The following FHIT variants were observed in gnomAD, a reference collection of about 807,000 sequenced individuals.
FHIT encodes the protein fragile histidine triad diadenosine triphosphatase, also known as bis(5'-adenosyl)-triphosphatase.
Under a neutral mutation model 17.9 loss-of-function variants are expected in FHIT, and 19 were observed. That is an observed-to-expected ratio of 1.06 (90% CI 0.74 to 1.56). The LOEUF is 1.56. FHIT is among the 40% of genes most tolerant of loss of function. The pLI is 0.00. For missense variants in FHIT, 248 were observed against 189.2 expected (o/e 1.31, Z -1.82); for synonymous variants, 81 against 69.7 (o/e 1.16, Z -0.81).
chr3:61,100,929 GT>G (rs1204941782), intron 2 of FHIT, among the ~76,000 whole-genome samples: 2 of 152,088 alleles, frequency 1.3e-5, no homozygotes, highest in Non-Finnish European at 2.9e-5. Context: ...CTGTAAATTT[GT>G]TTGAGTTCTT....
At chr3:60,620,031 C>A (rs1553677806) in intron 4 of FHIT, among the ~76,000 whole-genome samples, 3 of 152,044 alleles carry the variant, frequency 2.0e-5, no homozygotes, top group African/African-American at 7.2e-5. Context: ...AAAATACATA[C>A]AGATGGAATA....
intron 5 of FHIT, among the ~76,000 whole-genome samples, chr3:60,530,714 T>C (rs1400620339): frequency 6.6e-6 from 1 of 152,186 alleles, no homozygotes. Flanking sequence ...ATTCTTTAGA[T>C]GGCAAGTCAA....
chr3:60,121,332 T>A (rs1443493037), intron 5 of FHIT, among the ~76,000 whole-genome samples: 3 of 152,188 alleles, frequency 2.0e-5, no homozygotes, highest in African/African-American at 7.2e-5. Context: ...AGTTTCCCCC[T>A]TTATCTGCTG....
At chr3:61,129,191 A>C (rs1462165391) in intron 2 of FHIT, among the ~76,000 whole-genome samples, 1 of 152,210 alleles carries the variant, frequency 6.6e-6, no homozygotes, top group Non-Finnish European at 1.5e-5. Flanking sequence ...GAAATGTTTC[A>C]TGTGTTCATC....
intron 5 of FHIT, among the ~76,000 whole-genome samples, chr3:60,024,155 C>G (rs566022161): frequency 1.3e-5 from 2 of 152,134 alleles, no homozygotes; most frequent in South Asian, 4.1e-4. Context: ...TGGAAAAGTT[C>G]AAAGATAACA....
intron 3 of FHIT, among the ~76,000 whole-genome samples, chr3:61,040,105 GAA>G (rs2033436198): frequency 6.6e-6 from 1 of 152,130 alleles, no homozygotes; most frequent in Non-Finnish European, 1.5e-5. Flanking sequence ...GGGGTTTAAC[GAA>G]ACCTTACTCT....
At position 60,763,484 on chromosome 3, in the gene FHIT, T is replaced by G. The variant is rs1194515698; in HGVS notation, c.-18+58435A>C. Among the ~76,000 whole-genome samples the G allele has an allele frequency of 5.3e-5, 8 of 152,226 alleles. No individual in the cohort carries two copies. In the East Asian group the frequency reaches 1.3e-3, roughly 26 times the overall value. ...ATGTGTGAAGCAATTCAATGCATTA[T>G]CTCTACCCTGTGAAGGTAGGTACTA... On this transcript the variant is annotated intron_variant, in intron 4 of 9. Transcript: ENST00000492590.
At chr3:60,361,562 C>A (rs761488494) in intron 5 of FHIT, among the ~76,000 whole-genome samples, 1 of 152,130 alleles carries the variant, frequency 6.6e-6, no homozygotes, top group Non-Finnish European at 1.5e-5. Context: ...ATAGAAGATG[C>A]AATGGCAACA....
intron 4 of FHIT, among the ~76,000 whole-genome samples, chr3:60,567,562 CA>C (rs2037185007): frequency 6.6e-6 from 1 of 151,828 alleles, no homozygotes; most frequent in African/African-American, 2.4e-5. Context: ...ACTTCATGTC[CA>C]AAACACTAAA....
At chr3:59,913,786 C>T (rs917994907) in intron 8 of FHIT, among the ~76,000 whole-genome samples, 1 of 152,112 alleles carries the variant, frequency 6.6e-6, no homozygotes, top group Non-Finnish European at 1.5e-5. Context: ...ACATAAGATA[C>T]TGAGATTTAA....
intron 4 of FHIT, among the ~76,000 whole-genome samples, chr3:60,725,443 A>C (rs1302917290): frequency 2.0e-5 from 3 of 152,144 alleles, no homozygotes; most frequent in African/African-American, 4.8e-5. Context: ...GGACTTTGAT[A>C]CTTTAAGGTA....
intron 5 of FHIT, among the ~76,000 whole-genome samples, chr3:60,165,667 G>A (rs1176012623): frequency 2.0e-5 from 3 of 152,144 alleles, no homozygotes; most frequent in East Asian, 1.9e-4. Context: ...ATAAGCAAAG[G>A]GAAAAAGTAC....
intron 8 of FHIT, among the ~76,000 whole-genome samples, chr3:59,901,039 G>T (rs1159793371): frequency 2.0e-5 from 3 of 152,198 alleles, no homozygotes; most frequent in Non-Finnish European, 4.4e-5. Flanking sequence ...TGTTTTGTCT[G>T]TTAACGTAAC....
chr3:59,803,123 G>A (rs188907547), intron 8 of FHIT, among the ~76,000 whole-genome samples: 3 of 152,186 alleles, frequency 2.0e-5, no homozygotes, highest in East Asian at 1.9e-4. Context: ...GAAACCTGGC[G>A]TTTATGTTTC....
intron 5 of FHIT, among the ~76,000 whole-genome samples, chr3:60,355,421 T>A (rs1699608985): frequency 6.6e-6 from 1 of 152,154 alleles, no homozygotes; most frequent in African/African-American, 2.4e-5. Context: ...TTATGAACTT[T>A]TTGGGTTGCA....
At chr3:60,116,293 G>A (rs1234507903) in intron 5 of FHIT, among the ~76,000 whole-genome samples, 1 of 152,114 alleles carries the variant, frequency 6.6e-6, no homozygotes, top group Non-Finnish European at 1.5e-5. Context: ...AGCCAGAAAG[G>A]CTTCCTGGAA....
intron 8 of FHIT, among the ~76,000 whole-genome samples, chr3:59,898,323 A>T (rs1481975232): frequency 1.3e-5 from 2 of 152,208 alleles, no homozygotes; most frequent in Admixed American, 1.3e-4. Flanking sequence ...ATCCAAAAAA[A>T]ATCTGACAAC....
chr3:60,671,615 G>C (rs2040506227), intron 4 of FHIT, among the ~76,000 whole-genome samples: 1 of 151,956 alleles, frequency 6.6e-6, no homozygotes, highest in African/African-American at 2.4e-5. Flanking sequence ...TCCTATATCT[G>C]AAAGTTCTTA....
chr3:61,235,010 T>A (rs777522085), intron 1 of FHIT, among the ~76,000 whole-genome samples: 31 of 152,266 alleles, frequency 2.0e-4, no homozygotes, highest in Non-Finnish European at 4.6e-4. Context: ...TAAATAAGTC[T>A]AATTTGTATT....
Sources: allele counts gnomAD v4.1 joint callset (sites outside exome capture counted in the v4.1 genomes callset), GRCh38; gene constraint gnomAD v4.1.1; transcripts MANE v1.5; gene names NCBI Gene and HGNC (gene_info 2026-07-23, HGNC 2026-07-21).